The following HDAC8 variants were observed in gnomAD, a reference collection of about 807,000 sequenced individuals.
HDAC8 encodes histone deacetylase-like 1.
In HDAC8, 1 loss-of-function variant was observed where a neutral mutation model predicts 32.2. The observed-to-expected ratio is 0.03, with a 90% CI of 0.01 to 0.15. The LOEUF (loss-of-function observed/expected upper bound fraction) is 0.15, where lower values mean the gene tolerates loss of function less well. Among genes scored for constraint, HDAC8 ranks in the 10% least tolerant of loss-of-function variants. The pLI, the probability that HDAC8 is intolerant of heterozygous loss-of-function variation, is 1.00. For synonymous variants in HDAC8, 108 were observed against 113.9 expected, an observed-to-expected ratio of 0.95 and a Z score of 0.33; for missense variants, 117 against 300.0, an observed-to-expected ratio of 0.39 and a Z score of 4.51.
chrX:72,427,939 A>G (rs1272788957), intron 9 of HDAC8, among the ~76,000 whole-genome samples: 2 of 111,869 alleles, frequency 1.8e-5, no homozygotes, highest in Admixed American at 1.9e-4. Flanking sequence ...ACCTAATTTT[A>G]TATTCAAAAT....
intron 2 of HDAC8, among the ~76,000 whole-genome samples, 161 bp from the exon 3 acceptor site, chrX:72,569,045 C>A (rs1369093317): frequency 2.7e-5 from 3 of 112,195 alleles, no homozygotes; most frequent in Non-Finnish European, 5.6e-5. Context: ...CTGCACTGTG[C>A]GGTCTTCACT....
chrX:72,567,782 T>TA (rs1556137799), intron 4 of HDAC8, 107 bp downstream of exon 4: 6 of 1,209,442 alleles, frequency 5.0e-6, no homozygotes, highest in Non-Finnish European at 5.6e-6. Context: ...AAGTGCCACA[T>TA]ACACACACGT....
intron 9 of HDAC8, among the ~76,000 whole-genome samples, chrX:72,440,382 A>G (rs931546194): frequency 9.8e-5 from 11 of 111,811 alleles, no homozygotes; most frequent in African/African-American, 2.9e-4. Context: ...GGAGAGATCT[A>G]AAATCGACAC....
At chrX:72,340,447 T>C (rs959047892) in intron 10 of HDAC8, among the ~76,000 whole-genome samples, 3 of 112,111 alleles carry the variant, frequency 2.7e-5, no homozygotes, top group African/African-American at 9.7e-5. Flanking sequence ...CTTACATCTG[T>C]ATAATGCTTT....
chrX:72,361,521 TATTTC>T (rs1457073841), intron 9 of HDAC8, among the ~76,000 whole-genome samples: 2 of 111,186 alleles, frequency 1.8e-5, no homozygotes, highest in Non-Finnish European at 3.8e-5. Context: ...ATTAACATCT[TATTTC>T]ATTAGCTAAA....
At chrX:72,389,715 A>C (rs1043567090) in intron 9 of HDAC8, among the ~76,000 whole-genome samples, 12 of 112,250 alleles carry the variant, frequency 1.1e-4, no homozygotes, top group African/African-American at 3.2e-4. Flanking sequence ...AAAGAAAACA[A>C]AGCTTAACCT....
At chrX:72,402,401 G>C (rs983085038) in intron 9 of HDAC8, among the ~76,000 whole-genome samples, 3 of 96,933 alleles carry the variant, frequency 3.1e-5, no homozygotes, top group Non-Finnish European at 6.0e-5. Context: ...TTTGGGTTTA[G>C]TGTGTTCTTT....
chrX:72,334,615 T>C (rs1305816191), intron 10 of HDAC8, among the ~76,000 whole-genome samples: 1 of 111,914 alleles, frequency 8.9e-6, no homozygotes, highest in African/African-American at 3.2e-5. Flanking sequence ...TTTTATGCAG[T>C]TTCCACTGTG....
At chrX:72,359,734 T>C (rs1428217450) in intron 9 of HDAC8, among the ~76,000 whole-genome samples, 1 of 110,877 alleles carries the variant, frequency 9.0e-6, no homozygotes, top group Admixed American at 9.6e-5. Context: ...GAGTGATTGC[T>C]GTGGGGATGG....
At chrX:72,509,685 C>A (rs1038193455) in intron 4 of HDAC8, among the ~76,000 whole-genome samples, 3 of 111,007 alleles carry the variant, frequency 2.7e-5, no homozygotes, top group Non-Finnish European at 5.7e-5. Context: ...CTCATAGAAG[C>A]GAAGAGTGGA....
At chrX:72,545,115 G>A (rs1238991007) in intron 4 of HDAC8, among the ~76,000 whole-genome samples, 2 of 112,024 alleles carry the variant, frequency 1.8e-5, no homozygotes, top group African/African-American at 6.5e-5. Flanking sequence ...GTTGTTTTGG[G>A]TGGGGTAGAA....
chrX:72,344,121 G>T (rs1362409047), intron 10 of HDAC8, among the ~76,000 whole-genome samples: 1 of 111,687 alleles, frequency 9.0e-6, no homozygotes, highest in Non-Finnish European at 1.9e-5. Flanking sequence ...TCTCCCCAGG[G>T]TGTCAATGGT....
intron 10 of HDAC8, among the ~76,000 whole-genome samples, chrX:72,344,609 G>C (rs2043974989): frequency 8.9e-6 from 1 of 112,038 alleles, no homozygotes; most frequent in Non-Finnish European, 1.9e-5. Flanking sequence ...TTCAAATTCA[G>C]TACATCAAAA....
intron 10 of HDAC8, among the ~76,000 whole-genome samples, 188 bp downstream of exon 10, chrX:72,351,545 C>A (rs1191496695): frequency 8.9e-6 from 1 of 112,554 alleles, no homozygotes; most frequent in African/African-American, 3.2e-5. Flanking sequence ...AGCCAAATGA[C>A]AATCCCAACC....
intron 9 of HDAC8, among the ~76,000 whole-genome samples, chrX:72,443,077 A>G (rs1423133243): frequency 9.2e-6 from 1 of 108,817 alleles, no homozygotes; most frequent in Non-Finnish European, 1.9e-5. Context: ...ACTCCCACAC[A>G]ATAATAATGG....
intron 7 of HDAC8, among the ~76,000 whole-genome samples, chrX:72,480,633 T>C (rs2048467946): frequency 8.9e-6 from 1 of 112,200 alleles, no homozygotes; most frequent in Admixed American, 9.4e-5. Context: ...CTATTTACAA[T>C]AGCAGACTTG....
chrX:72,430,796 G>A (rs1252219964), intron 9 of HDAC8, among the ~76,000 whole-genome samples: 2 of 111,923 alleles, frequency 1.8e-5, no homozygotes, highest in Non-Finnish European at 3.8e-5. Flanking sequence ...TATTGAAGCT[G>A]ACCATGTGTT....
At chrX:72,520,878 T>C (rs1272720890) in intron 4 of HDAC8, among the ~76,000 whole-genome samples, 4 of 112,208 alleles carry the variant, frequency 3.6e-5, no homozygotes, top group East Asian at 2.8e-4. Context: ...TCCCACACTC[T>C]AGGTTCATCT....
chrX:72,447,468 G>A (rs782072431), intron 9 of HDAC8, among the ~76,000 whole-genome samples: 338 of 111,506 alleles, frequency 3.0e-3, no homozygotes, highest in Non-Finnish European at 5.5e-3. Flanking sequence ...ATGACAAACC[G>A]ACAGCCAATA....
Sources: allele counts gnomAD v4.1 joint callset (sites outside exome capture counted in the v4.1 genomes callset), GRCh38; gene constraint gnomAD v4.1.1; transcripts MANE v1.5; gene names NCBI Gene and HGNC (gene_info 2026-07-23, HGNC 2026-07-21).